KHDRBS2: variants seen among roughly 807,000 people sequenced by gnomAD.
The protein encoded by KHDRBS2 is KH domain-containing, RNA-binding, signal transduction-associated protein 2.
In KHDRBS2, 26 loss-of-function variants were observed where a neutral mutation model predicts 44.3. The observed-to-expected ratio is 0.59, with a 90% CI of 0.43 to 0.81. The LOEUF is 0.81. Among genes scored for constraint, KHDRBS2 ranks in the 40% least tolerant of loss-of-function variants. The probability of loss-of-function intolerance (pLI) is 0.00; values close to 1 mark genes in which losing one functional copy is unlikely to be tolerated. For synonymous variants in KHDRBS2, 194 were observed against 151.1 expected, an observed-to-expected ratio of 1.28 and a Z score of -2.08; for missense variants, 476 against 433.1, an observed-to-expected ratio of 1.10 and a Z score of -0.88.
chr6:61,598,327 C>T, the KHDRBS2 span, among the ~76,000 whole-genome samples: 3 of 145,246 alleles, frequency 2.1e-5, no homozygotes, highest in African/African-American at 7.3e-5. Context: ...TAACATAAGG[C>T]CCTTTATGGC....
rs560781802 is a variant in KHDRBS2, at chr6:61,867,398, G to A, written c.810+27237C>T. On this transcript the variant is annotated intron_variant, in intron 6 of 8. Coordinates refer to ENST00000281156, the MANE Select transcript of KHDRBS2 (RefSeq NM_152688.4). ...ACCATGTGCCTTCCACAACATGTGG[G>A]AATTCAAGATGAGATTTCGGTGGGG... 2.0e-5 allele frequency among the ~76,000 whole-genome samples: 3 copies of A among 152,248 alleles called. No individual in the cohort carries two copies. In the South Asian group the frequency reaches 6.2e-4, roughly 32 times the overall value.
chr6:61,815,348 A>T (rs1007913993), intron 6 of KHDRBS2, among the ~76,000 whole-genome samples: 2 of 152,208 alleles, frequency 1.3e-5, no homozygotes, highest in Non-Finnish European at 2.9e-5. Flanking sequence ...TCCATTTAAT[A>T]TTCTCAGACC....
At chr6:62,031,647 CT>C in intron 3 of KHDRBS2, among the ~76,000 whole-genome samples, 1 of 152,188 alleles carries the variant, frequency 6.6e-6, no homozygotes, top group South Asian at 2.1e-4. Flanking sequence ...ATGGGTAAGG[CT>C]CCTCTGCCTT....
At chr6:61,624,593 C>A in the KHDRBS2 span, among the ~76,000 whole-genome samples, 2 of 152,188 alleles carry the variant, frequency 1.3e-5, no homozygotes, top group Non-Finnish European at 2.9e-5. Flanking sequence ...GGAACTACTT[C>A]ATTACAAGTA....
chr6:61,605,854 C>G, the KHDRBS2 span, among the ~76,000 whole-genome samples: 1 of 152,192 alleles, frequency 6.6e-6, no homozygotes, highest in Non-Finnish European at 1.5e-5. Flanking sequence ...GCTAAGCCAT[C>G]ATATCCCCTG....
At chr6:61,956,392 C>G (rs188567184) in intron 4 of KHDRBS2, among the ~76,000 whole-genome samples, 1 of 152,248 alleles carries the variant, frequency 6.6e-6, no homozygotes, top group Non-Finnish European at 1.5e-5. Flanking sequence ...GATTCACTGA[C>G]AAAATTGAAG....
intron 2 of KHDRBS2, among the ~76,000 whole-genome samples, chr6:62,087,435 C>G (rs183910720): frequency 2.7e-5 from 4 of 148,638 alleles, no homozygotes; most frequent in Admixed American, 6.7e-5. Context: ...TTAGAAGACA[C>G]AAAAATAAAA....
At chr6:61,750,617 CAAGT>C (rs1777526090) in intron 6 of KHDRBS2, among the ~76,000 whole-genome samples, 2 of 152,102 alleles carry the variant, frequency 1.3e-5, no homozygotes, top group East Asian at 1.9e-4. Context: ...AGTAACCAAC[CAAGT>C]GTCTTTAGAC....
At chr6:61,932,944 G>C (rs1420452899) in intron 4 of KHDRBS2, among the ~76,000 whole-genome samples, 1 of 152,108 alleles carries the variant, frequency 6.6e-6, no homozygotes, top group Non-Finnish European at 1.5e-5. Flanking sequence ...ATTTCATTGT[G>C]TATATAGATC....
At chr6:61,776,307 A>G (rs1781988533) in intron 6 of KHDRBS2, among the ~76,000 whole-genome samples, 2 of 152,100 alleles carry the variant, frequency 1.3e-5, no homozygotes, top group Admixed American at 6.6e-5. Flanking sequence ...TAATTAAACT[A>G]AAGAGCCTCT....
intron 6 of KHDRBS2, among the ~76,000 whole-genome samples, chr6:61,880,100 T>A (rs541320528): frequency 6.6e-6 from 1 of 151,982 alleles, no homozygotes; most frequent in East Asian, 1.9e-4. Context: ...TAAATTGGGA[T>A]TGTTTGATGA....
chr6:62,276,433 TAAAAAATGTGGGGA>T (rs933628581), intron 1 of KHDRBS2, among the ~76,000 whole-genome samples: 3 of 152,154 alleles, frequency 2.0e-5, no homozygotes, highest in Non-Finnish European at 4.4e-5. Flanking sequence ...AGCAGTTCTC[TAAAAAATGTGGGGA>T]AAAAAATGCC....
At chr6:61,628,241 TCA>T in the KHDRBS2 span, among the ~76,000 whole-genome samples, 2 of 13,352 alleles carry the variant, frequency 1.5e-4, no homozygotes, top group Admixed American at 7.5e-4. Flanking sequence ...TTTTTTTTTT[TCA>T]ACCTGGGCTG....
chr6:61,817,770 G>A (rs1789216804), intron 6 of KHDRBS2, among the ~76,000 whole-genome samples: 2 of 151,548 alleles, frequency 1.3e-5, no homozygotes, highest in South Asian at 4.1e-4. Flanking sequence ...TGCATAATAA[G>A]TATAGCTTCC....
chr6:61,739,847 AC>A (rs1775903756), intron 6 of KHDRBS2, among the ~76,000 whole-genome samples: 2 of 151,976 alleles, frequency 1.3e-5, no homozygotes, highest in Non-Finnish European at 2.9e-5. Flanking sequence ...GACATAAATA[AC>A]CAAAAGAGCA....
At chr6:62,141,556 C>T (rs1438681148) in intron 2 of KHDRBS2, among the ~76,000 whole-genome samples, 1 of 152,094 alleles carries the variant, frequency 6.6e-6, no homozygotes, top group Non-Finnish European at 1.5e-5. Flanking sequence ...TACTGCAGTA[C>T]ATTGAAGGAA....
the KHDRBS2 span, among the ~76,000 whole-genome samples, chr6:61,630,060 C>T: frequency 6.6e-6 from 1 of 152,104 alleles, no homozygotes; most frequent in African/African-American, 2.4e-5. Context: ...AAATTAATTT[C>T]TATCAATTCA....
At chr6:61,776,161 C>A (rs915585937) in intron 6 of KHDRBS2, among the ~76,000 whole-genome samples, 12 of 151,938 alleles carry the variant, frequency 7.9e-5, no homozygotes, top group Non-Finnish European at 1.3e-4. Flanking sequence ...CAAAGACTTA[C>A]ATGTTAGACC....
chr6:61,556,981 AG>A, the KHDRBS2 span, among the ~76,000 whole-genome samples: 1 of 138,546 alleles, frequency 7.2e-6, no homozygotes. Flanking sequence ...ATTTATGCTG[AG>A]GTGTTAACAG....
Sources: allele counts gnomAD v4.1 joint callset (sites outside exome capture counted in the v4.1 genomes callset), GRCh38; gene constraint gnomAD v4.1.1; transcripts MANE v1.5; gene names NCBI Gene and HGNC (gene_info 2026-07-23, HGNC 2026-07-21).